FBXL13: variants seen among roughly 807,000 people sequenced by gnomAD.
The protein encoded by FBXL13 is F-box and leucine-rich repeat protein 13.
Under a neutral mutation model 83.6 loss-of-function variants are expected in FBXL13, and 67 were observed. The observed-to-expected ratio is 0.80, with a 90% CI of 0.66 to 0.98. The LOEUF is 0.98. Among genes scored for constraint, FBXL13 ranks in the 50% least tolerant of loss-of-function variants. The pLI, the probability that FBXL13 is intolerant of heterozygous loss-of-function variation, is 0.00. For synonymous variants in FBXL13, 272 were observed against 299.5 expected, an observed-to-expected ratio of 0.91 and a Z score of 0.95; for missense variants, 822 against 866.5, an observed-to-expected ratio of 0.95 and a Z score of 0.64.
chr7:103,036,809 G>A (rs1795118925), intron 2 of FBXL13, among the ~76,000 whole-genome samples: 1 of 152,178 alleles, frequency 6.6e-6, no homozygotes, highest in South Asian at 2.1e-4. Context: ...ACAGTGCCTG[G>A]CCCAAAAGAG....
chr7:102,984,771 T>C (rs1383558112), intron 6 of FBXL13, among the ~76,000 whole-genome samples: 1 of 152,220 alleles, frequency 6.6e-6, no homozygotes, highest in East Asian at 1.9e-4. Flanking sequence ...GTGCCAATTA[T>C]TATCTTAAAG....
intron 11 of FBXL13, among the ~76,000 whole-genome samples, chr7:102,905,027 T>C (rs1446898902): frequency 6.6e-6 from 1 of 152,230 alleles, no homozygotes; most frequent in Non-Finnish European, 1.5e-5. Context: ...TTTTGTGAAC[T>C]AACATATGAT....
At chr7:102,867,893 G>A (rs1481748287) in intron 16 of FBXL13, among the ~76,000 whole-genome samples, 6 of 150,678 alleles carry the variant, frequency 4.0e-5, no homozygotes, top group Admixed American at 1.3e-4. Flanking sequence ...TGGTAGAGAC[G>A]GGGTTTCACC....
chr7:103,041,685 C>A (rs866875638), intron 2 of FBXL13, among the ~76,000 whole-genome samples: 1 of 152,170 alleles, frequency 6.6e-6, no homozygotes, highest in Non-Finnish European at 1.5e-5. Flanking sequence ...AATCAATAAA[C>A]ATAATCCATC....
At chr7:103,055,669 T>G (rs1022678630) in exon 2 of FBXL13, 12 of 1,281,418 alleles carry the variant, frequency 9.4e-6, no homozygotes, top group Non-Finnish European at 1.2e-5. Flanking sequence ...AGACCACTTT[T>G]GATTATAACC....
intron 11 of FBXL13, among the ~76,000 whole-genome samples, chr7:102,897,753 C>T (rs1345218948): frequency 6.6e-6 from 1 of 152,040 alleles, no homozygotes; most frequent in Non-Finnish European, 1.5e-5. Context: ...TGAGAATAGT[C>T]ACCATAGGAA....
intron 14 of FBXL13, among the ~76,000 whole-genome samples, chr7:102,880,110 AT>A (rs747559781): frequency 6.6e-6 from 1 of 152,142 alleles, no homozygotes; most frequent in African/African-American, 2.4e-5. Context: ...TTTGTTGCTG[AT>A]TCCCATTGCT....
intron 19 of FBXL13, among the ~76,000 whole-genome samples, chr7:102,820,791 G>A (rs1248201519): frequency 1.3e-5 from 2 of 152,170 alleles, no homozygotes; most frequent in Admixed American, 6.5e-5. Context: ...CCATGATAAC[G>A]GCATTAGTCT....
chr7:103,019,839 C>T (rs1393740123), intron 6 of FBXL13, among the ~76,000 whole-genome samples: 7 of 152,114 alleles, frequency 4.6e-5, no homozygotes, highest in Non-Finnish European at 1.0e-4. Flanking sequence ...TAAAAGCCTA[C>T]CAACCAAAGA....
At chr7:102,834,756 A>G (rs1443673563) in intron 17 of FBXL13, 2 of 152,110 alleles carry the variant, frequency 1.3e-5, no homozygotes, top group South Asian at 2.1e-4. Context: ...TGATGACTAT[A>G]GTTAGTAACG....
At chr7:102,863,902 A>C (rs1403321872) in intron 16 of FBXL13, among the ~76,000 whole-genome samples, 1 of 152,138 alleles carries the variant, frequency 6.6e-6, no homozygotes, top group Non-Finnish European at 1.5e-5. Context: ...CAGCCAATGA[A>C]TAAGCCCTAC....
intron 14 of FBXL13, among the ~76,000 whole-genome samples, chr7:102,881,063 A>T (rs1322945013): frequency 6.6e-6 from 1 of 152,204 alleles, no homozygotes; most frequent in African/African-American, 2.4e-5. Context: ...GTATATTGAA[A>T]ATATATTTAA....
intron 11 of FBXL13, among the ~76,000 whole-genome samples, chr7:102,885,427 G>A (rs890158708): frequency 4.0e-5 from 6 of 151,300 alleles, no homozygotes; most frequent in African/African-American, 1.5e-4. Flanking sequence ...TTGGGAAAAT[G>A]TCTAGTCAAG....
At chr7:102,872,904 C>T (rs1808718087) in intron 16 of FBXL13, among the ~76,000 whole-genome samples, 2 of 152,168 alleles carry the variant, frequency 1.3e-5, no homozygotes, top group African/African-American at 4.8e-5. Flanking sequence ...TGGTAGGTAA[C>T]TTCCTAAACA....
At chr7:102,818,674 T>G (rs1798353931) in intron 19 of FBXL13, among the ~76,000 whole-genome samples, 1 of 152,228 alleles carries the variant, frequency 6.6e-6, no homozygotes, top group Admixed American at 6.5e-5. Context: ...AATTTCATAC[T>G]GTGATTTGGG....
At chr7:102,884,665 TA>T (rs1001047864) in intron 11 of FBXL13, among the ~76,000 whole-genome samples, 1 of 151,918 alleles carries the variant, frequency 6.6e-6, no homozygotes, top group African/African-American at 2.4e-5. Flanking sequence ...TTTTTTTAAT[TA>T]AAAAAAATTA....
intron 8 of FBXL13, among the ~76,000 whole-genome samples, chr7:102,946,697 G>A (rs1367867029): frequency 7.0e-6 from 1 of 143,826 alleles, no homozygotes; most frequent in Non-Finnish European, 1.5e-5. Flanking sequence ...TTTATTTTGA[G>A]ACAGTCTCGC....
At chr7:102,903,939 CTTTTTTTTTTTTT>C (rs1166655004) in intron 11 of FBXL13, among the ~76,000 whole-genome samples, 1 of 43,470 alleles carries the variant, frequency 2.3e-5, no homozygotes, top group Non-Finnish European at 4.2e-5. Context: ...CTTTTCTTTT[CTTTTTTTTTTTTT>C]TTTTTTTTTT....
At chr7:102,915,090 T>G (rs988007217) in intron 10 of FBXL13, among the ~76,000 whole-genome samples, 1 of 152,126 alleles carries the variant, frequency 6.6e-6, no homozygotes, top group African/African-American at 2.4e-5. Context: ...TCTCAGAGAT[T>G]GTTTTCTCAT....
Sources: gnomAD v4.1 joint callset for allele counts (sites outside exome capture counted in the v4.1 genomes callset) on GRCh38, gnomAD v4.1.1 for gene constraint, MANE v1.5 for transcripts, NCBI Gene and HGNC (gene_info 2026-07-23, HGNC 2026-07-21) for gene names.